Variants in ANAPC10 observed in about 807,000 individuals in gnomAD.
ANAPC10 encodes the protein anaphase-promoting complex subunit 10.
Under a neutral mutation model 22.0 loss-of-function variants are expected in ANAPC10, and 12 were observed. That is an observed-to-expected ratio of 0.55 (90% CI 0.35 to 0.88). ANAPC10 has a LOEUF of 0.88. Ranked by LOEUF, ANAPC10 falls within the 40% of genes least tolerant of loss-of-function variation. The pLI is 0.01. For synonymous variants in ANAPC10, 65 were observed against 69.5 expected (o/e 0.94, Z 0.32); for missense variants, 188 against 220.9 (o/e 0.85, Z 0.94).
chr4:144,996,537 G>A (rs193070215), intron 4 of ANAPC10, among the ~76,000 whole-genome samples: 30 of 152,260 alleles, frequency 2.0e-4, no homozygotes, highest in Non-Finnish European at 4.4e-4. Context: ...ACTCCCCACA[G>A]CTTCTTGTCC....
chr4:145,049,910 C>T (rs1320011786), intron 4 of ANAPC10, among the ~76,000 whole-genome samples: 1 of 152,176 alleles, frequency 6.6e-6, no homozygotes, highest in East Asian at 1.9e-4. Flanking sequence ...ACTACATCTG[C>T]AGTTACTCCC....
chr4:145,081,462 A>C, intron 3 of ANAPC10, 198 bp downstream of exon 3: 1 of 429,806 alleles, frequency 2.3e-6, no homozygotes, highest in East Asian at 3.9e-5. Context: ...TACCATAAGA[A>C]AATTCATAAA....
At chr4:145,046,452 C>T (rs1379969252) in intron 4 of ANAPC10, among the ~76,000 whole-genome samples, 1 of 151,946 alleles carries the variant, frequency 6.6e-6, no homozygotes, top group Non-Finnish European at 1.5e-5. Flanking sequence ...ATTTCAAGAA[C>T]AGAGAACAAA....
intron 4 of ANAPC10, among the ~76,000 whole-genome samples, chr4:145,017,565 T>C (rs1421590756): frequency 1.3e-5 from 2 of 152,190 alleles, no homozygotes; most frequent in Non-Finnish European, 1.5e-5. Context: ...AGGGTGGCAA[T>C]TCCTCAGGGA....
chr4:145,025,341 C>A (rs906359384), intron 4 of ANAPC10, among the ~76,000 whole-genome samples: 11 of 150,426 alleles, frequency 7.3e-5, no homozygotes, highest in African/African-American at 1.9e-4. Context: ...CGCCCCCCCC[C>A]CCTTTTAAGC....
chr4:145,052,915 T>G (rs1741351178), intron 4 of ANAPC10, among the ~76,000 whole-genome samples: 1 of 151,852 alleles, frequency 6.6e-6, no homozygotes, highest in South Asian at 2.1e-4. Context: ...GGATACTCAT[T>G]TATTATAAAA....
At chr4:145,032,446 G>GC (rs1340509733) in intron 4 of ANAPC10, among the ~76,000 whole-genome samples, 16 of 152,222 alleles carry the variant, frequency 1.1e-4, no homozygotes, top group African/African-American at 3.6e-4. Context: ...ATGTGGATGG[G>GC]CCTCTCTTGA....
intron 4 of ANAPC10, among the ~76,000 whole-genome samples, chr4:145,034,237 A>G (rs1372299879): frequency 6.6e-6 from 1 of 152,112 alleles, no homozygotes; most frequent in Non-Finnish European, 1.5e-5. Context: ...AGAGATTAAC[A>G]TCTGAGTCAC....
intron 3 of ANAPC10, among the ~76,000 whole-genome samples, chr4:145,071,252 C>CAAA (rs1355535485): frequency 6.6e-6 from 1 of 151,964 alleles, no homozygotes; most frequent in Non-Finnish European, 1.5e-5. Context: ...ATTAAAAATA[C>CAAA]AAAATTAGCC....
chr4:145,008,030 A>G (rs1733695883), intron 4 of ANAPC10, among the ~76,000 whole-genome samples: 1 of 152,178 alleles, frequency 6.6e-6, no homozygotes, highest in Non-Finnish European at 1.5e-5. Flanking sequence ...CAGAAGTACA[A>G]ACTACCATCA....
intron 4 of ANAPC10, chr4:145,064,336 A>T (rs1390150649): frequency 6.5e-6 from 2 of 308,758 alleles, no homozygotes; most frequent in African/African-American, 2.2e-5. Context: ...CATTCACTGT[A>T]CAATTCTTTG....
chr4:145,040,387 A>T (rs1739338991), intron 4 of ANAPC10, among the ~76,000 whole-genome samples: 1 of 152,214 alleles, frequency 6.6e-6, no homozygotes, highest in South Asian at 2.1e-4. Flanking sequence ...ACCTCAGGTG[A>T]TCCACCCGCC....
chr4:145,062,460 A>G (rs2126451175), intron 4 of ANAPC10, among the ~76,000 whole-genome samples: 1 of 151,910 alleles, frequency 6.6e-6, no homozygotes, highest in East Asian at 1.9e-4. Context: ...AGAAAAAATT[A>G]GCTGGGCATG....
At chr4:145,053,554 C>T (rs188454746) in intron 4 of ANAPC10, 27 of 409,486 alleles carry the variant, frequency 6.6e-5, no homozygotes, top group East Asian at 6.5e-4. Context: ...GGCTAAGCTA[C>T]GGTTTCTGTT....
chr4:145,016,300 A>C lies in ANAPC10; in HGVS notation c.328-20697T>G, dbSNP rs560511809. 3.3e-5 allele frequency among the ~76,000 whole-genome samples: 5 copies of C among 152,332 alleles called. No homozygotes were observed. In the East Asian group the frequency reaches 9.7e-4, roughly 29 times the overall value. On this transcript the variant is annotated intron_variant, in intron 4 of 4. Coordinates refer to ENST00000507656, the MANE Select transcript of ANAPC10 (RefSeq NM_001256706.2). ...CAGGATACAAAATCAATGTGCAAAA[A>C]TCACAAGCATTCTTATACACCAATA...
chr4:145,083,019 C>T (rs1746306142), intron 2 of ANAPC10, among the ~76,000 whole-genome samples: 4 of 152,088 alleles, frequency 2.6e-5, no homozygotes, highest in African/African-American at 9.7e-5. Context: ...TATATGTATT[C>T]TTTCTATTCC....
chr4:145,021,110 C>A (rs1452512567), intron 4 of ANAPC10, among the ~76,000 whole-genome samples: 1 of 151,714 alleles, frequency 6.6e-6, no homozygotes, highest in Non-Finnish European at 1.5e-5. Flanking sequence ...CCAAAAGCAA[C>A]CTACAAATTC....
At chr4:145,028,446 C>T (rs1264571889) in intron 4 of ANAPC10, among the ~76,000 whole-genome samples, 10 of 152,102 alleles carry the variant, frequency 6.6e-5, no homozygotes, top group African/African-American at 2.4e-4. Context: ...TTGTGTGTAA[C>T]TTAATGCTTA....
chr4:144,995,188 T>C lies in ANAPC10; in HGVS notation c.*185A>G. On this transcript the variant is annotated 3_prime_UTR_variant, in exon 5 of 5. Coordinates refer to ENST00000507656, the MANE Select transcript of ANAPC10 (RefSeq NM_001256706.2). Reference sequence around the variant, plus strand: ...AGTAATGTAAAATATGTGAGCTTTATTACATGTTAAAGAAAATAAAGATAA... The same window carrying C: ...AGTAATGTAAAATATGTGAGCTTTACTACATGTTAAAGAAAATAAAGATAA... The C allele has an allele frequency of 2.5e-6, 1 of 403,854 alleles. No homozygotes were observed. Among genetic ancestry groups the C allele is most frequent in the Non-Finnish European group, 4.4e-6 (1 of 229,138 alleles). The allele number at this position is 403,854 out of a possible 1,614,324, so 25.0% of individuals were successfully genotyped here.
Sources: gnomAD v4.1 joint callset for allele counts (sites outside exome capture counted in the v4.1 genomes callset) on GRCh38, gnomAD v4.1.1 for gene constraint, MANE v1.5 for transcripts, NCBI Gene and HGNC (gene_info 2026-07-23, HGNC 2026-07-21) for gene names.